The following USP12 variants were observed in gnomAD, a reference collection of about 807,000 sequenced individuals.
USP12 encodes the protein ubiquitin carboxyl-terminal hydrolase 12.
In USP12, 19 loss-of-function variants were observed where a neutral mutation model predicts 45.5. The observed-to-expected ratio is 0.42, with a 90% CI of 0.29 to 0.61. USP12 has a LOEUF of 0.61. USP12 is among the 20% of genes least tolerant of loss of function. The pLI, the probability that USP12 is intolerant of heterozygous loss-of-function variation, is 0.22. For synonymous variants in USP12, 149 were observed against 148.8 expected (o/e 1.00, Z -0.01); for missense variants, 242 against 447.7 (o/e 0.54, Z 4.15).
rs569992121 is a variant in USP12, at chr13:27,074,395, A to G, written c.932+796T>C. Among the ~76,000 whole-genome samples, 488 of 152,062 alleles carry G rather than the reference A, an allele frequency of 3.2e-3. 3 individuals are homozygous for G. The highest frequency in any genetic ancestry group is 0.011 in the African/African-American group (448 of 41,484). On this transcript the variant is annotated intron_variant, in intron 7 of 8. Coordinates refer to ENST00000282344, the MANE Select transcript of USP12 (RefSeq NM_182488.4). ...AGCCTGGGCCACAGAGCAAGACTCC[A>G]TCTCAAAAAGAAAAAAAAAAAATTC...
chr13:27,079,233 G>C (rs949716996), intron 6 of USP12, among the ~76,000 whole-genome samples: 1 of 143,220 alleles, frequency 7.0e-6, no homozygotes, highest in Admixed American at 6.9e-5. Context: ...GGGGAGTGGG[G>C]GGAGAGGGAA....
At chr13:27,116,924 C>T (rs181574273) in intron 1 of USP12, among the ~76,000 whole-genome samples, 33 of 152,260 alleles carry the variant, frequency 2.2e-4, no homozygotes, top group Non-Finnish European at 4.1e-4. Flanking sequence ...TAAGAACGCT[C>T]TGATGTTCGC....
At chr13:27,081,280 T>C (rs566289798) in intron 6 of USP12, among the ~76,000 whole-genome samples, 8 of 152,248 alleles carry the variant, frequency 5.3e-5, no homozygotes, top group Non-Finnish European at 1.2e-4. Flanking sequence ...TTATGTAATA[T>C]TCTAAATCCT....
chr13:27,076,738 T>C (rs1271968286), intron 6 of USP12, among the ~76,000 whole-genome samples: 1 of 152,110 alleles, frequency 6.6e-6, no homozygotes, highest in African/African-American at 2.4e-5. Flanking sequence ...CCACTGCCTC[T>C]AATAAGTGAA....
At chr13:27,086,454 CTA>C (rs1421239990) in intron 6 of USP12, among the ~76,000 whole-genome samples, 1 of 151,440 alleles carries the variant, frequency 6.6e-6, no homozygotes, top group Non-Finnish European at 1.5e-5. Context: ...CTTTAAAAAT[CTA>C]AGATATACAC....
Position 27,087,083 on chromosome 13 carries a change from A to C in USP12, c.734+2800T>G, listed in dbSNP as rs140247885. 2.0e-5 allele frequency among the ~76,000 whole-genome samples: 3 copies of C among 151,672 alleles called. No individual in the cohort carries two copies. In the East Asian group the frequency reaches 5.9e-4, roughly 30 times the overall value. On this transcript the variant is annotated intron_variant, in intron 6 of 8. Transcript: ENST00000282344. ...TACAGGCAGGAGAGGGGGAAGTCAA[A>C]GCAGAGGGGAAGGGGCTGTGTGTGT... is the stretch of plus-strand genomic sequence containing the variant.
chr13:27,135,966 G>A (rs1876785086), intron 1 of USP12, among the ~76,000 whole-genome samples: 1 of 151,996 alleles, frequency 6.6e-6, no homozygotes, highest in African/African-American at 2.4e-5. Context: ...CAGCACCATG[G>A]GTTCTGCTGT....
intron 1 of USP12, among the ~76,000 whole-genome samples, chr13:27,132,169 ATT>A (rs1446184733): frequency 6.6e-6 from 1 of 152,132 alleles, no homozygotes; most frequent in African/African-American, 2.4e-5. Context: ...ATATTCAGGG[ATT>A]ATAACATTTA....
intron 3 of USP12, among the ~76,000 whole-genome samples, chr13:27,104,911 T>C (rs538267654): frequency 3.9e-5 from 6 of 152,356 alleles, no homozygotes; most frequent in African/African-American, 1.4e-4. Flanking sequence ...TTAAAATGCC[T>C]ACATTAAACA....
chr13:27,095,784 A>G lies in USP12; in HGVS notation c.390T>C (p.Asn130=). 1 of 1,611,532 alleles carries G rather than the reference A, an allele frequency of 6.2e-7. No individual in the cohort carries two copies. The highest frequency in any genetic ancestry group is 2.2e-5 in the East Asian group (1 of 44,746). The change falls in exon 4 of 9, where the codon AAT becomes AAC. Residue 130 remains asparagine (N), a synonymous_variant. Coordinates refer to ENST00000282344, the MANE Select transcript of USP12 (RefSeq NM_182488.4). ...YMQQDAHEFL[N]YLLNTIADIL... ...TATCAGCAATTGTATTTAGTAGGTAATTTAAGAATTCATGGGCATCTTGTT... is the reference window on the plus strand; with the variant it reads ...TATCAGCAATTGTATTTAGTAGGTAGTTTAAGAATTCATGGGCATCTTGTT...
At chr13:27,163,280 C>G (rs531835755) in intron 1 of USP12, among the ~76,000 whole-genome samples, 1 of 152,002 alleles carries the variant, frequency 6.6e-6, no homozygotes, top group East Asian at 1.9e-4. Context: ...TTTAAATATG[C>G]CCCCTTCCTA....
intron 6 of USP12, among the ~76,000 whole-genome samples, chr13:27,087,581 G>A (rs913086526): frequency 6.6e-5 from 10 of 152,150 alleles, no homozygotes; most frequent in African/African-American, 2.2e-4. Context: ...CTCACTAAGC[G>A]GGCTCAGGAA....
intron 1 of USP12, among the ~76,000 whole-genome samples, chr13:27,135,004 G>T (rs1248746303): frequency 1.3e-5 from 2 of 152,184 alleles, no homozygotes; most frequent in Non-Finnish European, 2.9e-5. Flanking sequence ...CTAAAACAAG[G>T]CCAGGTGCTG....
At chr13:27,073,541 G>A (rs573866167) in intron 7 of USP12, among the ~76,000 whole-genome samples, 12 of 152,018 alleles carry the variant, frequency 7.9e-5, no homozygotes, top group African/African-American at 2.9e-4. Flanking sequence ...AGTGGGGAGG[G>A]GACCCCTCCC....
chr13:27,171,424 C>A (rs1332326063), intron 1 of USP12, among the ~76,000 whole-genome samples, 168 bp downstream of exon 1: 1 of 145,592 alleles, frequency 6.9e-6, no homozygotes, highest in East Asian at 2.0e-4. Context: ...CCGCGCTCCC[C>A]GCCTGCGCGC....
Position 27,168,767 on chromosome 13 carries a change from ACTAGTGAT to A in USP12, c.48+2817_48+2824del, listed in dbSNP as rs1158054742. Among the ~76,000 whole-genome samples the A allele has an allele frequency of 1.3e-5, 2 of 152,238 alleles. 1 individual carries two copies. On this transcript the variant is annotated intron_variant, in intron 1 of 8. Coordinates refer to ENST00000282344, the MANE Select transcript of USP12 (RefSeq NM_182488.4). ...ACTAATTTTCACATGTAAGCACAAC[ACTAGTGAT>A]CTAAAATAAGACACAGCTGAAGAGA...
At chr13:27,131,077 A>AC (rs575120987) in intron 1 of USP12, among the ~76,000 whole-genome samples, 11 of 152,364 alleles carry the variant, frequency 7.2e-5, no homozygotes, top group African/African-American at 1.9e-4. Context: ...AATGCAGTAA[A>AC]ATTCATTTTT....
At chr13:27,141,222 C>A (rs1877039166) in intron 1 of USP12, among the ~76,000 whole-genome samples, 1 of 151,990 alleles carries the variant, frequency 6.6e-6, no homozygotes, top group Non-Finnish European at 1.5e-5. Flanking sequence ...ACCATATTGG[C>A]CAGGTTGGTC....
At chr13:27,082,777 G>A (rs986064726) in intron 6 of USP12, among the ~76,000 whole-genome samples, 8 of 152,194 alleles carry the variant, frequency 5.3e-5, no homozygotes, top group African/African-American at 7.2e-5. Flanking sequence ...CTGAGAGAGA[G>A]GTAGGAGGGG....
Sources: allele counts gnomAD v4.1 joint callset (sites outside exome capture counted in the v4.1 genomes callset), GRCh38; gene constraint gnomAD v4.1.1; transcripts MANE v1.5; gene names NCBI Gene and HGNC (gene_info 2026-07-23, HGNC 2026-07-21).